VPS54: variants seen among roughly 807,000 people sequenced by gnomAD.
The protein encoded by VPS54 is vacuolar protein sorting-associated protein 54.
VPS54 carries 45 observed loss-of-function variants against 121.5 expected under a neutral mutation model. The observed-to-expected ratio is 0.37, with a 90% CI of 0.29 to 0.47. VPS54 has a LOEUF of 0.47. Ranked by LOEUF, VPS54 falls within the 20% of genes least tolerant of loss-of-function variation. The pLI is 0.99. For missense variants in VPS54, 1,090 were observed against 1,131.4 expected (o/e 0.96, Z 0.52); for synonymous variants, 371 against 385.8 (o/e 0.96, Z 0.45).
At chr2:63,896,797 C>A (rs1368018241) in intron 22 of VPS54, among the ~76,000 whole-genome samples, 3 of 152,086 alleles carry the variant, frequency 2.0e-5, no homozygotes, top group Non-Finnish European at 4.4e-5. Context: ...ATGATCAGTG[C>A]TTTAAATTTT....
At chr2:64,014,839 T>A (rs1209094850) in intron 1 of VPS54, among the ~76,000 whole-genome samples, 2 of 152,160 alleles carry the variant, frequency 1.3e-5, no homozygotes, top group Non-Finnish European at 2.9e-5. Context: ...ATAACTTGAG[T>A]AACTTATCCA....
intron 1 of VPS54, among the ~76,000 whole-genome samples, chr2:64,004,502 G>C (rs1210416503): frequency 6.6e-6 from 1 of 152,074 alleles, no homozygotes; most frequent in Non-Finnish European, 1.5e-5. Context: ...GATAACAGGA[G>C]GACAACCTGA....
chr2:63,907,930 T>C (rs1672975865), intron 20 of VPS54, among the ~76,000 whole-genome samples: 1 of 152,190 alleles, frequency 6.6e-6, no homozygotes, highest in Non-Finnish European at 1.5e-5. Context: ...GAAGAGCACC[T>C]GGAACTCTTC....
chr2:63,982,295 C>A (rs1469444253), intron 2 of VPS54, among the ~76,000 whole-genome samples: 1 of 151,864 alleles, frequency 6.6e-6, no homozygotes, highest in East Asian at 1.9e-4. Flanking sequence ...TCTATTATAT[C>A]ATGGCAGGAT....
rs1672490340 is a variant in VPS54 at position 63,897,379 on chromosome 2, T to C, written c.2828+117A>G. 10 of 670,648 alleles carry C rather than the reference T, an allele frequency of 1.5e-5. No homozygotes were observed. In the East Asian group the frequency reaches 3.1e-4, roughly 21 times the overall value. 41.5% of individuals were successfully genotyped at this position (670,648 alleles called of 1,614,324 possible). A position where few individuals can be genotyped will look rare whatever the true frequency, so the allele number is the denominator to read the frequency against. ...AAAAAAAAACACAAAAGCTTGCTGA[T>C]TTTACAACGTTGGTCTTCAGTGTGA... On this transcript the variant is annotated intron_variant, in intron 22 of 22. Coordinates refer to ENST00000272322, the MANE Select transcript of VPS54 (RefSeq NM_016516.3).
At chr2:63,950,393 G>A (rs146664554) in intron 7 of VPS54, among the ~76,000 whole-genome samples, 4 of 152,224 alleles carry the variant, frequency 2.6e-5, no homozygotes, top group African/African-American at 7.2e-5. Context: ...GATTAGAGAT[G>A]TTGTGTTTGG....
At chr2:64,018,291 A>G (rs1678803892) in intron 1 of VPS54, among the ~76,000 whole-genome samples, 1 of 152,240 alleles carries the variant, frequency 6.6e-6, no homozygotes, top group Non-Finnish European at 1.5e-5. Context: ...AATGCTAAAA[A>G]TACCATCTTG....
intron 2 of VPS54, among the ~76,000 whole-genome samples, chr2:63,982,425 A>C (rs949823513): frequency 6.6e-6 from 1 of 152,312 alleles, no homozygotes; most frequent in Non-Finnish European, 1.5e-5. Flanking sequence ...TTGTTCTATA[A>C]AGTTATTGTG....
At chr2:64,001,167 C>T (rs1677857282) in intron 1 of VPS54, among the ~76,000 whole-genome samples, 1 of 152,198 alleles carries the variant, frequency 6.6e-6, no homozygotes, top group Non-Finnish European at 1.5e-5. Context: ...CCACCAAAGG[C>T]CCATAGGGAG....
chr2:63,915,403 C>T (rs983480533), intron 16 of VPS54, among the ~76,000 whole-genome samples: 3 of 152,078 alleles, frequency 2.0e-5, no homozygotes, highest in Non-Finnish European at 4.4e-5. Context: ...TGGTGTCTAG[C>T]CTTTATAACA....
chr2:63,995,039 C>T (rs1261804082), intron 1 of VPS54, among the ~76,000 whole-genome samples: 2 of 152,156 alleles, frequency 1.3e-5, no homozygotes, highest in Non-Finnish European at 2.9e-5. Context: ...TCTGAGGCCT[C>T]GTATGATATT....
chr2:63,982,669 A>G (rs1676852063), intron 2 of VPS54, among the ~76,000 whole-genome samples: 1 of 152,190 alleles, frequency 6.6e-6, no homozygotes, highest in African/African-American at 2.4e-5. Context: ...TTTTCTCCAT[A>G]AGGGACATCA....
intron 12 of VPS54, among the ~76,000 whole-genome samples, chr2:63,932,757 T>C (rs1674272633): frequency 6.6e-6 from 1 of 152,134 alleles, no homozygotes; most frequent in African/African-American, 2.4e-5. Context: ...TCCAAACTAT[T>C]CTTGGACCAG....
chr2:63,996,958 A>G (rs1382577155), intron 1 of VPS54, among the ~76,000 whole-genome samples: 1 of 152,164 alleles, frequency 6.6e-6, no homozygotes, highest in Admixed American at 6.5e-5. Context: ...AAAATTGCTA[A>G]TAAAAACTTG....
intron 3 of VPS54, among the ~76,000 whole-genome samples, chr2:63,979,251 T>G (rs1676693017): frequency 6.6e-6 from 1 of 150,566 alleles, no homozygotes; most frequent in Admixed American, 6.6e-5. Flanking sequence ...GTTTTTTTTT[T>G]TTTTTGGAGA....
intron 3 of VPS54, among the ~76,000 whole-genome samples, chr2:63,972,949 T>G (rs1375122436): frequency 6.6e-6 from 1 of 150,552 alleles, no homozygotes; most frequent in Non-Finnish European, 1.5e-5. Context: ...AAAAAAAAAA[T>G]CTCACTCTGA....
At chr2:64,017,371 G>C (rs556516936) in intron 1 of VPS54, among the ~76,000 whole-genome samples, 29 of 151,476 alleles carry the variant, frequency 1.9e-4, no homozygotes, top group African/African-American at 6.5e-4. Context: ...AAAAAAAAGA[G>C]TGTGATGAAG....
chr2:63,952,729 T>C (rs918687392), intron 7 of VPS54, among the ~76,000 whole-genome samples: 3 of 152,218 alleles, frequency 2.0e-5, no homozygotes, highest in Admixed American at 6.5e-5. Flanking sequence ...ATGGCATCAA[T>C]ATCTTACAGT....
intron 12 of VPS54, among the ~76,000 whole-genome samples, chr2:63,928,101 C>T (rs183493204): frequency 3.3e-5 from 5 of 152,262 alleles, no homozygotes; most frequent in African/African-American, 1.2e-4. Flanking sequence ...AGGATACTAT[C>T]CAGCAGAACT....
Sources: allele counts gnomAD v4.1 joint callset (sites outside exome capture counted in the v4.1 genomes callset), GRCh38; gene constraint gnomAD v4.1.1; transcripts MANE v1.5; gene names NCBI Gene and HGNC (gene_info 2026-07-23, HGNC 2026-07-21).